The following AGBL4 variants were observed in gnomAD, a reference collection of about 807,000 sequenced individuals.
AGBL4 encodes cytosolic carboxypeptidase 6.
Under a neutral mutation model 66.4 loss-of-function variants are expected in AGBL4, and 58 were observed. That is an observed-to-expected ratio of 0.87 (90% CI 0.71 to 1.09). The LOEUF is 1.09. Ranked by LOEUF, AGBL4 falls within the 50% of genes least tolerant of loss-of-function variation. AGBL4 has a pLI of 0.00. For missense variants in AGBL4, 579 were observed against 631.0 expected (o/e 0.92, Z 0.88); for synonymous variants, 234 against 222.9 (o/e 1.05, Z -0.44).
At chr1:49,759,979 T>C (rs1400362417) in intron 2 of AGBL4, among the ~76,000 whole-genome samples, 2 of 152,232 alleles carry the variant, frequency 1.3e-5, no homozygotes, top group Non-Finnish European at 2.9e-5. Flanking sequence ...AAGTGACTTC[T>C]TAATGAGTAC....
intron 1 of AGBL4, among the ~76,000 whole-genome samples, chr1:49,874,497 A>G (rs571827476): frequency 6.6e-6 from 1 of 152,302 alleles, no homozygotes; most frequent in South Asian, 2.1e-4. Flanking sequence ...TAAAAGGGAA[A>G]GTGGCTATAA....
At chr1:49,541,452 G>A (rs908551918) in intron 3 of AGBL4, among the ~76,000 whole-genome samples, 55 of 152,318 alleles carry the variant, frequency 3.6e-4, no homozygotes, top group African/African-American at 1.2e-3. Context: ...TGCCAGCCCC[G>A]GGCAGTGAGG....
intron 6 of AGBL4, among the ~76,000 whole-genome samples, chr1:48,819,021 A>G (rs1570746289): frequency 1.3e-5 from 2 of 152,244 alleles, no homozygotes; most frequent in African/African-American, 4.8e-5. Flanking sequence ...AATGGACTGG[A>G]TGCTTGTCTT....
rs557490491 is a variant in AGBL4 at position 48,947,943 on chromosome 1, T to C, written c.595-80713A>G. The stretch of plus-strand genomic sequence containing the variant: ...GTCTCACTCGTGACCCAGGCTGGAG[T>C]GCAGTCGCGCAATCTCGGCTCACTG... On this transcript the variant is annotated intron_variant, in intron 5 of 13. Transcript: ENST00000371839. Among the ~76,000 whole-genome samples the C allele has an allele frequency of 3.3e-5, 5 of 151,648 alleles. 1 individual carries two copies. In the South Asian group the frequency reaches 1.0e-3, roughly 32 times the overall value.
chr1:49,329,081 A>T (rs1645278949), intron 3 of AGBL4, among the ~76,000 whole-genome samples: 1 of 151,688 alleles, frequency 6.6e-6, no homozygotes, highest in Non-Finnish European at 1.5e-5. Context: ...CTGAGGTGGG[A>T]GGATCACTTG....
At chr1:49,862,511 G>A (rs1238739590) in intron 1 of AGBL4, among the ~76,000 whole-genome samples, 1 of 152,074 alleles carries the variant, frequency 6.6e-6, no homozygotes, top group African/African-American at 2.4e-5. Context: ...CAAACCTGGA[G>A]AAAGATATCA....
rs138560444 is a variant in AGBL4 at position 49,037,043 on chromosome 1, A to G, written c.594+8541T>C. Among the ~76,000 whole-genome samples the G allele has an allele frequency of 7.1e-3, 1,087 of 152,178 alleles. 15 individuals carry two copies. Among genetic ancestry groups the G allele is most frequent in the African/African-American group, 0.025 (1,046 of 41,534 alleles). On this transcript the variant is annotated intron_variant, in intron 5 of 13. Coordinates refer to ENST00000371839, the MANE Select transcript of AGBL4 (RefSeq NM_032785.4). ...TCTCGAACGTTAAAAGAAGATGCAC[A>G]TGTACCCTAAAACTTAAAGTATAAT...
intron 1 of AGBL4, among the ~76,000 whole-genome samples, chr1:49,908,621 A>G (rs1001682071): frequency 4.6e-5 from 7 of 152,104 alleles, no homozygotes; most frequent in African/African-American, 1.4e-4. Context: ...ATGTTTCTCC[A>G]TAAGAACACA....
At chr1:49,587,251 CA>C (rs1403269043) in intron 3 of AGBL4, among the ~76,000 whole-genome samples, 6 of 125,708 alleles carry the variant, frequency 4.8e-5, no homozygotes, top group Non-Finnish European at 1.1e-4. Context: ...CATCTCAAAA[CA>C]GAAGAAAAGA....
At chr1:49,963,345 C>T (rs1413232556) in intron 1 of AGBL4, among the ~76,000 whole-genome samples, 2 of 152,036 alleles carry the variant, frequency 1.3e-5, no homozygotes, top group South Asian at 2.1e-4. Flanking sequence ...TTGCTAGTTG[C>T]CATAATATCC....
At chr1:49,934,963 G>A (rs1653790253) in intron 1 of AGBL4, among the ~76,000 whole-genome samples, 1 of 152,228 alleles carries the variant, frequency 6.6e-6, no homozygotes, top group Non-Finnish European at 1.5e-5. Context: ...TCTCACTAGG[G>A]AGTGCCAGAC....
At chr1:48,936,701 T>C (rs1248493317) in intron 5 of AGBL4, among the ~76,000 whole-genome samples, 1 of 152,320 alleles carries the variant, frequency 6.6e-6, no homozygotes, top group East Asian at 1.9e-4. Flanking sequence ...TATTTGCAAA[T>C]AATAGTAAAA....
intron 2 of AGBL4, among the ~76,000 whole-genome samples, chr1:49,827,854 C>A (rs139107864): frequency 1.7e-4 from 26 of 152,276 alleles, no homozygotes; most frequent in African/African-American, 5.8e-4. Context: ...TTCTTGACCA[C>A]ACATAGTTCT....
intron 1 of AGBL4, among the ~76,000 whole-genome samples, chr1:49,866,167 C>A (rs1483044526): frequency 6.6e-6 from 1 of 152,078 alleles, no homozygotes; most frequent in Non-Finnish European, 1.5e-5. Context: ...AGAGTGGAAC[C>A]AATTTGGAAA....
In AGBL4 at chr1:49,180,419, C is replaced by T. The variant is rs1198731279; in HGVS notation, c.377+65351G>A. On this transcript the variant is annotated intron_variant, in intron 4 of 13. Coordinates refer to ENST00000371839, the MANE Select transcript of AGBL4 (RefSeq NM_032785.4). ...TAGCAATAACTGTCATTTATCTGGC[C>T]CCTGCTAAATAATAGTCTCTTTCCA... Among the ~76,000 whole-genome samples the T allele has an allele frequency of 1.3e-5, 2 of 152,018 alleles. 1 individual carries two copies. Among genetic ancestry groups the T allele is most frequent in the Admixed American group, 1.3e-4 (2 of 15,264 alleles).
intron 5 of AGBL4, among the ~76,000 whole-genome samples, chr1:48,955,515 G>A (rs1315898996): frequency 6.6e-6 from 1 of 152,004 alleles, no homozygotes; most frequent in African/African-American, 2.4e-5. Flanking sequence ...TGTTTTTATT[G>A]TTGTTGTTGT....
At chr1:49,783,408 CA>C (rs533131779) in intron 2 of AGBL4, among the ~76,000 whole-genome samples, 1 of 151,278 alleles carries the variant, frequency 6.6e-6, no homozygotes, top group African/African-American at 2.4e-5. Context: ...GGGTAAAGGA[CA>C]AAAAAAATCA....
At chr1:49,729,220 A>C (rs1365742369) in intron 2 of AGBL4, among the ~76,000 whole-genome samples, 2 of 152,218 alleles carry the variant, frequency 1.3e-5, no homozygotes, top group African/African-American at 4.8e-5. Context: ...CAGGTTTTGA[A>C]ATGCTATTTT....
intron 2 of AGBL4, among the ~76,000 whole-genome samples, chr1:49,780,221 T>C (rs867931256): frequency 2.0e-5 from 3 of 152,270 alleles, no homozygotes; most frequent in South Asian, 4.1e-4. Flanking sequence ...ATAACAATAG[T>C]ATATCTATAC....
Sources: allele counts gnomAD v4.1 joint callset (sites outside exome capture counted in the v4.1 genomes callset), GRCh38; gene constraint gnomAD v4.1.1; transcripts MANE v1.5; gene names NCBI Gene and HGNC (gene_info 2026-07-23, HGNC 2026-07-21).